DPP8: variants seen among roughly 807,000 people sequenced by gnomAD.
DPP8 encodes DPP VIII.
Under a neutral mutation model 107.5 loss-of-function variants are expected in DPP8, and 31 were observed. The ratio of observed to expected loss-of-function variants is 0.29; its 90% CI spans 0.22 to 0.39. The LOEUF is 0.39. Among genes scored for constraint, DPP8 ranks in the 10% least tolerant of loss-of-function variants. The probability of loss-of-function intolerance (pLI) is 1.00; values close to 1 mark genes in which losing one functional copy is unlikely to be tolerated. For missense variants in DPP8, 842 were observed against 1,076.1 expected, an observed-to-expected ratio of 0.78 and a Z score of 3.04; for synonymous variants, 381 against 356.6, an observed-to-expected ratio of 1.07 and a Z score of -0.77.
At chr15:65,507,963 C>T (rs940135290) in intron 2 of DPP8, among the ~76,000 whole-genome samples, 5 of 152,070 alleles carry the variant, frequency 3.3e-5, no homozygotes, top group Non-Finnish European at 5.9e-5. Context: ...GTAGGCTGGG[C>T]GTGGTGGCTC....
rs184817498 is a variant in DPP8 at position 65,491,362 on chromosome 15, A to G, written c.716-1063T>C. Among the ~76,000 whole-genome samples, 16 of 152,300 alleles carry G rather than the reference A, an allele frequency of 1.1e-4. No homozygotes were observed. The East Asian group carries it at 3.1e-3, about 29-fold the overall frequency. ...GAGTAGGATTTAAAAATTGCTTTAT[A>G]ATTTACAAATTCTTAAATGTACTGT... On this transcript the variant is annotated intron_variant, in intron 5 of 19. Coordinates refer to ENST00000300141, the MANE Select transcript of DPP8 (RefSeq NM_130434.5).
chr15:65,515,792 C>T (rs2071378822), intron 1 of DPP8: 1 of 1,120,462 alleles, frequency 8.9e-7, no homozygotes, highest in African/African-American at 1.5e-5. Context: ...CCATCAAAGC[C>T]TGCTCACCAG....
At chr15:65,478,066 C>T (rs1055125746) in intron 11 of DPP8, among the ~76,000 whole-genome samples, 1 of 152,080 alleles carries the variant, frequency 6.6e-6, no homozygotes, top group African/African-American at 2.4e-5. Flanking sequence ...GGAAAACCAC[C>T]ACTTAAGGAA....
intron 1 of DPP8, 98 bp from the exon 2 acceptor site, chr15:65,512,662 G>A: frequency 1.5e-6 from 2 of 1,369,044 alleles, no homozygotes; most frequent in Non-Finnish European, 2.0e-6. Context: ...GAGTGGGGAG[G>A]GCAAGAAAAA....
chr15:65,474,143 T>A, intron 12 of DPP8, 66 bp downstream of exon 12: 4 of 1,159,152 alleles, frequency 3.5e-6, no homozygotes, highest in Non-Finnish European at 5.2e-6. Flanking sequence ...ATTACATTAC[T>A]CATTTTTAGC....
At chr15:65,448,640 C>T (rs1414745172) in intron 19 of DPP8, among the ~76,000 whole-genome samples, 1 of 132,914 alleles carries the variant, frequency 7.5e-6, no homozygotes, top group African/African-American at 2.9e-5. Flanking sequence ...CCACCGCACT[C>T]CAGCCTGGGT....
chr15:65,473,312 G>A (rs1335018557), intron 12 of DPP8, among the ~76,000 whole-genome samples: 1 of 143,492 alleles, frequency 7.0e-6, no homozygotes, highest in African/African-American at 2.7e-5. Flanking sequence ...GCGACAGAGT[G>A]AGACTCCATC....
At chr15:65,477,721 A>C (rs961417780) in intron 11 of DPP8, among the ~76,000 whole-genome samples, 3 of 151,588 alleles carry the variant, frequency 2.0e-5, no homozygotes, top group African/African-American at 7.3e-5. Context: ...TTTAGTAGAG[A>C]GGGGGTTTCA....
At chr15:65,458,146 T>C (rs2064595383) in intron 15 of DPP8, among the ~76,000 whole-genome samples, 1 of 152,234 alleles carries the variant, frequency 6.6e-6, no homozygotes, top group African/African-American at 2.4e-5. Flanking sequence ...AAAAGTCTCC[T>C]TCAGTATCAA....
chr15:65,510,318 T>A (rs527477516), intron 2 of DPP8, among the ~76,000 whole-genome samples: 2 of 151,906 alleles, frequency 1.3e-5, no homozygotes, highest in African/African-American at 4.8e-5. Flanking sequence ...TCTCAAAAAA[T>A]AATAATAATT....
chr15:65,483,539 G>C (rs1271354624), intron 8 of DPP8, among the ~76,000 whole-genome samples: 1 of 151,508 alleles, frequency 6.6e-6, no homozygotes, highest in African/African-American at 2.4e-5. Context: ...ATTTTTAGTA[G>C]AGATGGGGTT....
rs1386977458 is a variant in DPP8, at chr15:65,451,818, C to T, written c.2414+142G>A. On this transcript the variant is annotated intron_variant, in intron 18 of 19. Transcript: ENST00000300141. ...GCACGTGCCTGTAAACCCAGCTACT[C>T]GGGGGCTGAGGTGGGAGGATCCTCT... 1.3e-5 allele frequency: 10 copies of T among 791,406 alleles called. No homozygotes were observed. The East Asian group carries it at 1.4e-4, about 11-fold the overall frequency. 49.0% of individuals were successfully genotyped at this position (791,406 alleles called of 1,614,324 possible).
chr15:65,469,363 G>A (rs1470579918), intron 12 of DPP8, among the ~76,000 whole-genome samples: 1 of 151,412 alleles, frequency 6.6e-6, no homozygotes, highest in Non-Finnish European at 1.5e-5. Flanking sequence ...ACAATAAAAA[G>A]CTCATAGGCA....
intron 4 of DPP8, 130 bp downstream of exon 4, chr15:65,500,476 A>T: frequency 1.4e-6 from 1 of 693,912 alleles, no homozygotes. Context: ...TCTTGTTTTC[A>T]TTGCTATTAA....
rs2069139090 is a variant in DPP8 at position 65,500,793 on chromosome 15, A to G, written c.373-14T>C. The G allele has an allele frequency of 1.3e-6, 2 of 1,597,796 alleles. No individual in the cohort carries two copies. Among genetic ancestry groups the G allele is most frequent in the Non-Finnish European group, 1.7e-6 (2 of 1,169,228 alleles). ...GTCCAGTGTTGCCTAATGTGAAAGG[A>G]AAGTCACCTATTCCAGTCTTCTGAA... On this transcript the variant is annotated splice_polypyrimidine_tract_variant and intron_variant, in intron 3 of 19. Coordinates refer to ENST00000300141, the MANE Select transcript of DPP8 (RefSeq NM_130434.5).
intron 4 of DPP8, 75 bp from the exon 5 acceptor site, chr15:65,498,107 G>T: frequency 8.9e-7 from 1 of 1,129,700 alleles, no homozygotes; most frequent in Non-Finnish European, 1.2e-6. Flanking sequence ...CCTATAAGAT[G>T]AACAATATTT....
intron 5 of DPP8, among the ~76,000 whole-genome samples, chr15:65,495,662 A>G (rs1246608465): frequency 6.6e-6 from 1 of 151,690 alleles, no homozygotes; most frequent in Non-Finnish European, 1.5e-5. Flanking sequence ...GCACTTTGGG[A>G]GGCCGAGGTG....
chr15:65,474,340 A>G (rs747520851), intron 11 of DPP8, 52 bp from the exon 12 acceptor site: 2 of 1,324,264 alleles, frequency 1.5e-6, no homozygotes, highest in African/African-American at 1.5e-5. Flanking sequence ...CTATAAGCAA[A>G]TGAAACAATT....
chr15:65,451,235 A>G (rs2063952889), intron 18 of DPP8, 125 bp from the exon 19 acceptor site: 1 of 628,702 alleles, frequency 1.6e-6, no homozygotes. Flanking sequence ...ATAAGAATTC[A>G]GTATTTTCAA....
Sources: allele counts gnomAD v4.1 joint callset (sites outside exome capture counted in the v4.1 genomes callset), GRCh38; gene constraint gnomAD v4.1.1; transcripts MANE v1.5; gene names NCBI Gene and HGNC (gene_info 2026-07-23, HGNC 2026-07-21).